IGF2BP3: variants seen among roughly 807,000 people sequenced by gnomAD.
The protein encoded by IGF2BP3 is insulin like growth factor 2 mRNA binding protein 3.
In IGF2BP3, 9 loss-of-function variants were observed where a neutral mutation model predicts 73.8. The ratio of observed to expected loss-of-function variants is 0.12; its 90% CI spans 0.07 to 0.21. The LOEUF (loss-of-function observed/expected upper bound fraction) is 0.21. Ranked by LOEUF, IGF2BP3 falls within the 10% of genes least tolerant of loss-of-function variation. The pLI, the probability that IGF2BP3 is intolerant of heterozygous loss-of-function variation, is 1.00. For synonymous variants in IGF2BP3, 258 were observed against 256.7 expected, an observed-to-expected ratio of 1.01 and a Z score of -0.05; for missense variants, 542 against 714.0, an observed-to-expected ratio of 0.76 and a Z score of 2.75.
intron 3 of IGF2BP3, among the ~76,000 whole-genome samples, chr7:23,366,391 G>T (rs748743790): frequency 1.1e-4 from 16 of 151,992 alleles, no homozygotes; most frequent in Non-Finnish European, 2.2e-4. Flanking sequence ...ACCCACCTTG[G>T]TCTCCCATAG....
At chr7:23,463,726 C>G (rs556080973) in intron 2 of IGF2BP3, among the ~76,000 whole-genome samples, 8 of 152,198 alleles carry the variant, frequency 5.3e-5, no homozygotes, top group Non-Finnish European at 7.3e-5. Flanking sequence ...TTACTGTGGA[C>G]AGCCATACAG....
chr7:23,327,076 T>TA (rs1554312128), intron 10 of IGF2BP3, among the ~76,000 whole-genome samples: 18 of 145,924 alleles, frequency 1.2e-4, no homozygotes, highest in African/African-American at 4.7e-4. Context: ...ATAAATAAAT[T>TA]AATTAATTAA....
intron 2 of IGF2BP3, among the ~76,000 whole-genome samples, chr7:23,446,849 A>G (rs1788077716): frequency 6.6e-6 from 1 of 152,152 alleles, no homozygotes; most frequent in Admixed American, 6.5e-5. Context: ...AACAAACACC[A>G]TGTGCCTCTA....
At chr7:23,451,497 G>C (rs537417183) in intron 2 of IGF2BP3, among the ~76,000 whole-genome samples, 105 of 152,262 alleles carry the variant, frequency 6.9e-4, no homozygotes, top group African/African-American at 2.4e-3. Context: ...AGGAGGCTGA[G>C]GCAGGAGAAT....
intron 2 of IGF2BP3, among the ~76,000 whole-genome samples, chr7:23,455,974 T>C (rs1788307472): frequency 6.6e-6 from 1 of 152,168 alleles, no homozygotes; most frequent in Non-Finnish European, 1.5e-5. Context: ...CATGAGCCAC[T>C]GCGCCCGGCA....
chr7:23,377,018 G>A (rs1026876055), intron 3 of IGF2BP3, among the ~76,000 whole-genome samples: 5 of 151,896 alleles, frequency 3.3e-5, no homozygotes, highest in African/African-American at 4.8e-5. Flanking sequence ...CATGAGGAAT[G>A]GTTAAGTAAA....
chr7:23,323,485 C>A (rs1193924276), intron 10 of IGF2BP3, among the ~76,000 whole-genome samples: 2 of 145,150 alleles, frequency 1.4e-5, no homozygotes, highest in African/African-American at 2.7e-5. Flanking sequence ...ACTTTAACAC[C>A]CCACTGTCAA....
At chr7:23,461,007 TGAAA>T (rs1313498119) in intron 2 of IGF2BP3, among the ~76,000 whole-genome samples, 1 of 152,146 alleles carries the variant, frequency 6.6e-6, no homozygotes, top group Non-Finnish European at 1.5e-5. Context: ...AAATGAATTC[TGAAA>T]GAAAGGTTAC....
chr7:23,334,586 C>T (rs1235996861), intron 10 of IGF2BP3, among the ~76,000 whole-genome samples: 1 of 152,216 alleles, frequency 6.6e-6, no homozygotes, highest in African/African-American at 2.4e-5. Flanking sequence ...ATTGTCTGAA[C>T]CTTTTCTTGG....
chr7:23,392,189 A>G (rs1457039031), intron 3 of IGF2BP3, among the ~76,000 whole-genome samples: 4 of 152,196 alleles, frequency 2.6e-5, no homozygotes, highest in Non-Finnish European at 4.4e-5. Context: ...TACTGTCCAC[A>G]GTATGGCAGA....
intron 3 of IGF2BP3, chr7:23,402,852 G>A (rs1411120066): frequency 6.6e-6 from 1 of 152,216 alleles, no homozygotes; most frequent in Non-Finnish European, 1.5e-5. Flanking sequence ...AGGAAGGAAT[G>A]ATTTAGAACA....
At chr7:23,418,718 A>T in intron 3 of IGF2BP3, 58 bp downstream of exon 3, 1 of 1,142,596 alleles carries the variant, frequency 8.8e-7, no homozygotes, top group Non-Finnish European at 1.3e-6. Context: ...GCTTTGAAAA[A>T]ACTAACAGCA....
intron 10 of IGF2BP3, among the ~76,000 whole-genome samples, chr7:23,338,623 C>T (rs1230589917): frequency 6.6e-6 from 1 of 152,172 alleles, no homozygotes; most frequent in Non-Finnish European, 1.5e-5. Context: ...AAGTTCTTAA[C>T]TAATCAAACA....
intron 8 of IGF2BP3, among the ~76,000 whole-genome samples, chr7:23,345,060 A>G (rs1784797606): frequency 6.6e-6 from 1 of 152,178 alleles, no homozygotes; most frequent in African/African-American, 2.4e-5. Flanking sequence ...TTTACAACCA[A>G]ACAGAAGTTT....
At chr7:23,435,210 T>C (rs1787778952) in intron 2 of IGF2BP3, among the ~76,000 whole-genome samples, 1 of 142,104 alleles carries the variant, frequency 7.0e-6, no homozygotes, top group Admixed American at 7.6e-5. Context: ...GGAGAATCGC[T>C]TGAACCCGGG....
chr7:23,463,306 C>T (rs1341386097), intron 2 of IGF2BP3, among the ~76,000 whole-genome samples: 2 of 152,172 alleles, frequency 1.3e-5, no homozygotes, highest in South Asian at 2.1e-4. Flanking sequence ...ATACAAAATC[C>T]CAATCCTATA....
chr7:23,454,391 C>G (rs1220139205), intron 2 of IGF2BP3, among the ~76,000 whole-genome samples: 1 of 152,142 alleles, frequency 6.6e-6, no homozygotes, highest in African/African-American at 2.4e-5. Flanking sequence ...ATGTGAAACA[C>G]TCCTATGTCT....
chr7:23,389,208 T>A (rs1223416731), intron 3 of IGF2BP3, among the ~76,000 whole-genome samples: 1 of 151,738 alleles, frequency 6.6e-6, no homozygotes, highest in African/African-American at 2.4e-5. Flanking sequence ...TCGCCCAGGC[T>A]GGAGTGCAGC....
chr7:23,338,270 G>A (rs1242423373), intron 10 of IGF2BP3, among the ~76,000 whole-genome samples: 1 of 152,108 alleles, frequency 6.6e-6, no homozygotes, highest in Non-Finnish European at 1.5e-5. Context: ...TGCTTATCCT[G>A]AACTTTTTCT....
Sources: allele counts gnomAD v4.1 joint callset (sites outside exome capture counted in the v4.1 genomes callset), GRCh38; gene constraint gnomAD v4.1.1; transcripts MANE v1.5; gene names NCBI Gene and HGNC (gene_info 2026-07-23, HGNC 2026-07-21).